The following GSE1 variants were observed in gnomAD, a reference collection of about 807,000 sequenced individuals.
The protein encoded by GSE1 is Gse1 coiled-coil protein, also known as genetic suppressor element 1.
Under a neutral mutation model 112.6 loss-of-function variants are expected in GSE1, and 32 were observed. That is an observed-to-expected ratio of 0.28 (90% CI 0.21 to 0.38). GSE1 has a LOEUF of 0.38. Ranked by LOEUF, GSE1 falls within the 10% of genes least tolerant of loss-of-function variation. GSE1 has a pLI of 1.00. For synonymous variants in GSE1, 1,115 were observed against 735.6 expected, an observed-to-expected ratio of 1.52 and a Z score of -8.35; for missense variants, 2,348 against 1,699.2, an observed-to-expected ratio of 1.38 and a Z score of -6.71.
upstream of GSE1, among the ~76,000 whole-genome samples, chr16:85,551,227 T>C (rs919053634): frequency 1.3e-5 from 2 of 151,966 alleles, no homozygotes; most frequent in Admixed American, 6.6e-5. Context: ...TCCGGAGAAG[T>C]GTGGGTGGAG....
intron 1 of GSE1, among the ~76,000 whole-genome samples, chr16:85,189,043 C>G (rs1285869905): frequency 6.6e-6 from 1 of 152,196 alleles, no homozygotes; most frequent in Non-Finnish European, 1.5e-5. Flanking sequence ...TGCACACGCT[C>G]CAGTGCTGCC....
intron 2 of GSE1, among the ~76,000 whole-genome samples, chr16:85,452,467 G>A (rs1390519463): frequency 6.6e-6 from 1 of 152,250 alleles, no homozygotes; most frequent in African/African-American, 2.4e-5. Context: ...AGACTTTTAA[G>A]TTGGTTGATC....
At chr16:85,428,187 G>A (rs550984521) in intron 2 of GSE1, among the ~76,000 whole-genome samples, 180 of 152,360 alleles carry the variant, frequency 1.2e-3, no homozygotes, top group African/African-American at 3.8e-3. Flanking sequence ...GGGAGAGCAG[G>A]GGCTGGCCCC....
chr16:85,380,409 GCCCTTGGCCAA>G (rs2047519708), intron 2 of GSE1, among the ~76,000 whole-genome samples: 1 of 152,174 alleles, frequency 6.6e-6, no homozygotes, highest in African/African-American at 2.4e-5. Context: ...TCCTCCCTGA[GCCCTTGGCCAA>G]CCCCACTGTT....
At chr16:85,657,125 G>A (rs73253223) in intron 7 of GSE1, 152 bp from the exon 8 acceptor site, 9,716 of 554,574 alleles carry the variant, frequency 0.018, 810 homozygotes, top group African/African-American at 0.17. Context: ...GAAAGCTCCC[G>A]TAGGGCCCCT....
intron 1 of GSE1, among the ~76,000 whole-genome samples, chr16:85,615,592 A>T (rs2048323611): frequency 6.6e-6 from 1 of 152,180 alleles, no homozygotes; most frequent in African/African-American, 2.4e-5. Flanking sequence ...ACCTAGGGTC[A>T]GCCCTGCCTT....
intron 1 of GSE1, among the ~76,000 whole-genome samples, chr16:85,290,215 C>T (rs2045166991): frequency 6.6e-6 from 1 of 152,228 alleles, no homozygotes; most frequent in South Asian, 2.1e-4. Flanking sequence ...CTTCCTGCCC[C>T]TGGCCAAGGC....
In GSE1 at chr16:85,671,058, G is replaced by A. The variant is rs775351346; in HGVS notation, c.3479G>A (p.Ser1160Asn). 1 of 1,612,228 alleles carries A rather than the reference G, an allele frequency of 6.2e-7. No individual in the cohort carries two copies. The highest frequency in any genetic ancestry group is 1.1e-5 in the South Asian group (1 of 91,038). ...QCRRLEARHY[S>N]LSLTAEQLSH... is the part of the protein sequence containing the mutation. ...AGACGACTGGAGGCCCGGCACTACA[G>A]CCTCAGCCTGACGGCAGAGCAGCTC... is the stretch of plus-strand genomic sequence containing the variant. The change falls in exon 15 of 16, where the codon AGC becomes AAC. Residue 1160 changes from serine to asparagine, a missense_variant. Physicochemically the swap from Ser to Asn is conservative, Grantham distance 46 (BLOSUM62 1). Coordinates refer to ENST00000253458, the MANE Select transcript of GSE1 (RefSeq NM_014615.5).
At chr16:85,619,107 G>C (rs1420037748) in intron 1 of GSE1, among the ~76,000 whole-genome samples, 1 of 152,284 alleles carries the variant, frequency 6.6e-6, no homozygotes, top group East Asian at 1.9e-4. Flanking sequence ...AGACCCTGCC[G>C]GCCCCTCTGC....
chr16:85,381,310 A>G (rs1305980755), intron 2 of GSE1, among the ~76,000 whole-genome samples: 2 of 152,188 alleles, frequency 1.3e-5, no homozygotes, highest in East Asian at 3.9e-4. Flanking sequence ...TGGCCGAATA[A>G]TATTTCATTG....
intron 2 of GSE1, among the ~76,000 whole-genome samples, chr16:85,508,485 G>A (rs773782934): frequency 6.6e-5 from 10 of 152,208 alleles, no homozygotes; most frequent in Admixed American, 1.3e-4. Context: ...AGGAGCACAC[G>A]CCATGGAGGG....
intron 1 of GSE1, among the ~76,000 whole-genome samples, chr16:85,226,758 G>GGGGTGTGT: frequency 9.5e-6 from 1 of 104,974 alleles, no homozygotes; most frequent in East Asian, 2.9e-4. Context: ...TGCCTGGACT[G>GGGGTGTGT]GTGTGTGTGT....
intron 2 of GSE1, among the ~76,000 whole-genome samples, chr16:85,398,001 G>A (rs34787524): frequency 9.3e-4 from 142 of 152,164 alleles, no homozygotes; most frequent in African/African-American, 3.3e-3. Flanking sequence ...GGGGGTGGGG[G>A]CTGCAGACCT....
chr16:85,349,575 G>C (rs1009392317), intron 1 of GSE1, among the ~76,000 whole-genome samples: 3 of 152,044 alleles, frequency 2.0e-5, no homozygotes, highest in African/African-American at 2.4e-5. Flanking sequence ...GTGCTCCTGG[G>C]CTGGCTGTGC....
At chr16:85,200,886 C>T (rs998010278) in intron 1 of GSE1, among the ~76,000 whole-genome samples, 1 of 152,232 alleles carries the variant, frequency 6.6e-6, no homozygotes, top group Non-Finnish European at 1.5e-5. Context: ...AACATGAACT[C>T]CACTTCCTGC....
chr16:85,327,535 A>T (rs2046250877), intron 1 of GSE1, among the ~76,000 whole-genome samples: 1 of 152,160 alleles, frequency 6.6e-6, no homozygotes. Flanking sequence ...CCCGGGAGGC[A>T]GAGGTTGCAG....
chr16:85,173,484 C>A (rs2074399446), intron 1 of GSE1, among the ~76,000 whole-genome samples: 1 of 152,164 alleles, frequency 6.6e-6, no homozygotes, highest in African/African-American at 2.4e-5. Context: ...TAGTGGGACC[C>A]TCGTGTCCTC....
chr16:85,223,784 T>C (rs1476597034), intron 1 of GSE1, among the ~76,000 whole-genome samples: 1 of 151,848 alleles, frequency 6.6e-6, no homozygotes, highest in Non-Finnish European at 1.5e-5. Context: ...TTTGTATTTT[T>C]AGTGGAGATG....
chr16:85,358,084 C>T (rs549386359), intron 2 of GSE1, among the ~76,000 whole-genome samples: 8 of 152,248 alleles, frequency 5.3e-5, no homozygotes, highest in African/African-American at 7.2e-5. Context: ...CTGCTCTGTG[C>T]GGGGAGATGG....
Sources: allele counts gnomAD v4.1 joint callset (sites outside exome capture counted in the v4.1 genomes callset), GRCh38; gene constraint gnomAD v4.1.1; transcripts MANE v1.5; gene names NCBI Gene and HGNC (gene_info 2026-07-23, HGNC 2026-07-21).